The following SLC2A13 variants were observed in gnomAD, a reference collection of about 807,000 sequenced individuals.
The protein encoded by SLC2A13 is solute carrier family 2 member 13.
In SLC2A13, 32 loss-of-function variants were observed where a neutral mutation model predicts 64.4. That is an observed-to-expected ratio of 0.50 (90% CI 0.37 to 0.67). The LOEUF (loss-of-function observed/expected upper bound fraction) is 0.67. Among genes scored for constraint, SLC2A13 ranks in the 30% least tolerant of loss-of-function variants. The pLI, the probability that SLC2A13 is intolerant of heterozygous loss-of-function variation, is 0.00. For synonymous variants in SLC2A13, 338 were observed against 327.1 expected, an observed-to-expected ratio of 1.03 and a Z score of -0.36; for missense variants, 743 against 829.2, an observed-to-expected ratio of 0.90 and a Z score of 1.28.
At chr12:40,036,340 C>A (rs1343406986) in intron 2 of SLC2A13, among the ~76,000 whole-genome samples, 1 of 152,108 alleles carries the variant, frequency 6.6e-6, no homozygotes, top group Non-Finnish European at 1.5e-5. Flanking sequence ...AATTTATATA[C>A]AAGAAAATGC....
chr12:40,000,318 C>T (rs181357015), intron 3 of SLC2A13, among the ~76,000 whole-genome samples: 1 of 135,888 alleles, frequency 7.4e-6, no homozygotes, highest in Non-Finnish European at 1.6e-5. Flanking sequence ...ACAACAGCAA[C>T]AAAACCCAAA....
chr12:40,091,536 C>T (rs1938768675), intron 1 of SLC2A13, among the ~76,000 whole-genome samples: 1 of 152,156 alleles, frequency 6.6e-6, no homozygotes, highest in African/African-American at 2.4e-5. Flanking sequence ...AGAATAATGG[C>T]ATGTCATATA....
intron 1 of SLC2A13, among the ~76,000 whole-genome samples, chr12:40,093,490 G>A (rs1938832675): frequency 6.6e-6 from 1 of 152,170 alleles, no homozygotes; most frequent in African/African-American, 2.4e-5. Context: ...ACACTCTAGT[G>A]GAGAGAAAAC....
At chr12:39,768,004 TG>T (rs1428034328) in intron 7 of SLC2A13, among the ~76,000 whole-genome samples, 2 of 152,106 alleles carry the variant, frequency 1.3e-5, no homozygotes, top group Non-Finnish European at 2.9e-5. Context: ...TATAGCAGTG[TG>T]AGACCAGACT....
chr12:39,960,744 CTTTTTTT>C (rs71434303), intron 3 of SLC2A13, among the ~76,000 whole-genome samples: 5 of 108,844 alleles, frequency 4.6e-5, no homozygotes, highest in South Asian at 6.4e-4. Context: ...CTGTCTCATT[CTTTTTTT>C]TTTTTTTTTT....
intron 3 of SLC2A13, among the ~76,000 whole-genome samples, chr12:39,966,000 G>A (rs1165130365): frequency 3.3e-5 from 5 of 151,786 alleles, no homozygotes; most frequent in South Asian, 2.1e-4. Flanking sequence ...TATGGGATGC[G>A]GGGCTTGACT....
intron 3 of SLC2A13, among the ~76,000 whole-genome samples, chr12:39,951,651 A>G (rs1382348094): frequency 6.6e-6 from 1 of 152,220 alleles, no homozygotes; most frequent in African/African-American, 2.4e-5. Context: ...AAACTGTCAA[A>G]TTAGTCTTCC....
At chr12:39,854,691 G>A (rs988741265) in intron 6 of SLC2A13, among the ~76,000 whole-genome samples, 1 of 152,120 alleles carries the variant, frequency 6.6e-6, no homozygotes, top group African/African-American at 2.4e-5. Flanking sequence ...GCTTGATGCT[G>A]TTGACTGGCT....
intron 6 of SLC2A13, among the ~76,000 whole-genome samples, chr12:39,843,078 C>G (rs918025163): frequency 6.6e-6 from 1 of 151,854 alleles, no homozygotes; most frequent in Non-Finnish European, 1.5e-5. Flanking sequence ...TTGCTATGAA[C>G]ATTTGTGTAG....
At position 39,864,764 on chromosome 12, in the gene SLC2A13, G is replaced by C; in HGVS notation, c.1317C>G (p.Tyr439Ter). The C allele has an allele frequency of 6.2e-7, 1 of 1,613,808 alleles. No homozygotes were observed. Among genetic ancestry groups the C allele is most frequent in the African/African-American group, 1.3e-5 (1 of 75,018 alleles). The change falls in exon 6 of 10, where the codon TAC becomes TAG. Residue 439 changes from tyrosine to a stop codon, truncating the protein, a stop_gained and splice_region_variant. Coordinates refer to ENST00000280871, the MANE Select transcript of SLC2A13 (RefSeq NM_052885.4). LOFTEE classifies it high-confidence loss of function. ...AGAAGAACATAATGGAATCTCACCT[G>C]TATCTTGTGCAAGTGGCGTTCTGAC... ...PSGQNATCTR[Y>*]SYCNECMLDP...
At chr12:39,864,527 C>T (rs1046681930) in intron 6 of SLC2A13, among the ~76,000 whole-genome samples, 1 of 152,166 alleles carries the variant, frequency 6.6e-6, no homozygotes, top group African/African-American at 2.4e-5. Flanking sequence ...AGAAACATCA[C>T]CAAGATTGTG....
chr12:39,931,246 A>C (rs12301629), intron 4 of SLC2A13, among the ~76,000 whole-genome samples: 22,743 of 152,182 alleles, frequency 0.15, 1,787 homozygotes, highest in South Asian at 0.25. Flanking sequence ...CACTATAAGG[A>C]TCGTCTACTT....
chr12:39,999,457 C>A (rs28740220), intron 3 of SLC2A13, among the ~76,000 whole-genome samples: 2,345 of 152,130 alleles, frequency 0.015, 64 homozygotes, highest in African/African-American at 0.054. Flanking sequence ...TACAAACAGC[C>A]GCTCTGGGAG....
chr12:39,769,549 G>A (rs1940485415), intron 7 of SLC2A13, among the ~76,000 whole-genome samples: 1 of 151,380 alleles, frequency 6.6e-6, no homozygotes, highest in African/African-American at 2.4e-5. Context: ...ATTGTAGGGT[G>A]TAGGCTTCCT....
intron 4 of SLC2A13, among the ~76,000 whole-genome samples, chr12:39,899,026 C>CTAT (rs1253913698): frequency 3.9e-5 from 6 of 151,950 alleles, no homozygotes; most frequent in Non-Finnish European, 7.4e-5. Context: ...CCCTCTTTTT[C>CTAT]TATTGATTGG....
At chr12:40,044,088 T>C (rs1161298405) in intron 2 of SLC2A13, among the ~76,000 whole-genome samples, 2 of 152,154 alleles carry the variant, frequency 1.3e-5, no homozygotes, top group African/African-American at 2.4e-5. Context: ...ATGTTAACAA[T>C]ACCTATCAAC....
intron 7 of SLC2A13, among the ~76,000 whole-genome samples, chr12:39,801,924 C>A (rs1941805582): frequency 1.3e-5 from 2 of 152,222 alleles, no homozygotes; most frequent in South Asian, 4.1e-4. Flanking sequence ...ATTCTAGGTG[C>A]TGCAGCAGCA....
chr12:39,958,050 T>C (rs1369864591), intron 3 of SLC2A13, among the ~76,000 whole-genome samples: 1 of 152,216 alleles, frequency 6.6e-6, no homozygotes, highest in Non-Finnish European at 1.5e-5. Context: ...GAAGTCCTCA[T>C]TTCTCACCCC....
intron 7 of SLC2A13, among the ~76,000 whole-genome samples, chr12:39,787,974 CAT>C (rs1323182809): frequency 6.6e-6 from 1 of 152,116 alleles, no homozygotes; most frequent in African/African-American, 2.4e-5. Flanking sequence ...CCAATTCTAT[CAT>C]AGAAATTTGG....
Sources: allele counts gnomAD v4.1 joint callset (sites outside exome capture counted in the v4.1 genomes callset), GRCh38; gene constraint gnomAD v4.1.1; transcripts MANE v1.5; gene names NCBI Gene and HGNC (gene_info 2026-07-23, HGNC 2026-07-21).